Variants in SLC2A12 observed in about 807,000 individuals in gnomAD.
SLC2A12 encodes the protein solute carrier family 2, facilitated glucose transporter member 12.
Under a neutral mutation model 41.8 loss-of-function variants are expected in SLC2A12, and 23 were observed. The observed-to-expected ratio is 0.55, with a 90% CI of 0.40 to 0.78. The LOEUF (loss-of-function observed/expected upper bound fraction) is 0.78. SLC2A12 is among the 30% of genes least tolerant of loss of function. SLC2A12 has a pLI of 0.00. For missense variants in SLC2A12, 654 were observed against 745.6 expected (o/e 0.88, Z 1.43); for synonymous variants, 295 against 285.9 (o/e 1.03, Z -0.32).
intron 2 of SLC2A12, among the ~76,000 whole-genome samples, chr6:134,012,350 A>AT (rs1244616417): frequency 6.6e-6 from 1 of 152,234 alleles, no homozygotes; most frequent in East Asian, 1.9e-4. Context: ...ATTGGACTAA[A>AT]TGGAATAAGC....
chr6:134,051,225 CTCATTCTTGACG>C (rs944776612), intron 1 of SLC2A12, among the ~76,000 whole-genome samples: 1 of 152,160 alleles, frequency 6.6e-6, no homozygotes, highest in Non-Finnish European at 1.5e-5. Context: ...CACGCCCGGC[CTCATTCTTGACG>C]AGAAGTGTGA....
At chr6:134,022,799 AG>A (rs1388760617) in intron 2 of SLC2A12, among the ~76,000 whole-genome samples, 2 of 152,238 alleles carry the variant, frequency 1.3e-5, no homozygotes, top group African/African-American at 4.8e-5. Flanking sequence ...TGGAGTCAGG[AG>A]GGCAAGAAAG....
chr6:134,026,412 G>A (rs947846910), intron 2 of SLC2A12, among the ~76,000 whole-genome samples: 1 of 151,918 alleles, frequency 6.6e-6, no homozygotes, highest in African/African-American at 2.4e-5. Flanking sequence ...CCTATATCTC[G>A]TCCTTCTGCT....
rs368176248 is a variant in SLC2A12 at position 133,990,907 on chromosome 6, CT to C, written c.*247del. 11,907 of 317,904 alleles carry C rather than the reference CT, an allele frequency of 0.037. 1 individual carries two copies. The highest frequency in any genetic ancestry group is 0.053 in the East Asian group (1,040 of 19,566). 19.7% of individuals were successfully genotyped at this position (317,904 alleles called of 1,614,324 possible). On this transcript the variant is annotated 3_prime_UTR_variant, in exon 5 of 5. Transcript: ENST00000275230. ...TAGAAAGTATTAAACCAGCCAGTAA[CT>C]TTTTTTTTTTAACCTGATATCCTGC... is the stretch of plus-strand genomic sequence containing the variant.
At position 134,026,539 on chromosome 6, in the gene SLC2A12, G is replaced by C. The variant is rs576164840; in HGVS notation, c.1444+1842C>G. 7.2e-5 allele frequency among the ~76,000 whole-genome samples: 11 copies of C among 152,352 alleles called. No individual in the cohort carries two copies. In the East Asian group the frequency reaches 1.9e-3, roughly 27 times the overall value. ...TTAAAGTGTCATAGTAGCCATATGA[G>C]TATCTCATAGGTATACACTCAAGAT... On this transcript the variant is annotated intron_variant, in intron 2 of 4. Transcript: ENST00000275230.
chr6:134,052,579 A>G lies in SLC2A12; in HGVS notation c.-99T>C. ...TTTCCCCATAATAGCATGCTAAAGA[A>G]GAGTGTGGGGAAAAACTTCGGGCAA... On this transcript the variant is annotated 5_prime_UTR_variant, in exon 1 of 5. Transcript: ENST00000275230. 1.1e-6 allele frequency: 1 copy of G among 882,672 alleles called. No homozygotes were observed. Among genetic ancestry groups the G allele is most frequent in the Non-Finnish European group, 1.8e-6 (1 of 559,100 alleles). The allele number at this position is 882,672 out of a possible 1,614,324, so 54.7% of individuals were successfully genotyped here. A position where few individuals can be genotyped will look rare whatever the true frequency, so the allele number is the denominator to read the frequency against.
intron 1 of SLC2A12, among the ~76,000 whole-genome samples, chr6:134,050,047 T>A (rs1215430173): frequency 2.6e-5 from 4 of 152,222 alleles, no homozygotes; most frequent in African/African-American, 9.6e-5. Context: ...GTTGAAAATA[T>A]GAAGAAGCCA....
At chr6:134,007,046 T>C in intron 2 of SLC2A12, 112 bp from the exon 3 acceptor site, 2 of 1,449,684 alleles carry the variant, frequency 1.4e-6, no homozygotes, top group South Asian at 2.6e-5. Flanking sequence ...GATTTGTGGT[T>C]GGGAAGCACC....
chr6:134,016,236 G>T (rs1283382705), intron 2 of SLC2A12, among the ~76,000 whole-genome samples: 4 of 151,616 alleles, frequency 2.6e-5, no homozygotes, highest in Admixed American at 6.6e-5. Context: ...GGGCAAGTTT[G>T]TTGACTGTCC....
rs1777157990 is a variant in SLC2A12, at chr6:134,029,036, G to A, written c.789C>T (p.Tyr263=). 2 of 1,614,084 alleles carry A rather than the reference G, an allele frequency of 1.2e-6. No homozygotes were observed. The highest frequency in any genetic ancestry group is 8.5e-7 in the Non-Finnish European group (1 of 1,180,040). The change falls in exon 2 of 5, where the codon TAC becomes TAT. Residue 263 remains tyrosine, a synonymous_variant. Transcript: ENST00000275230. ...TTGAACGAAACAGATCCCAAAAACT[G>A]TACTGATATTCATCTTTCAGGGAGG... ...IKSSLKDEYQ[Y]SFWDLFRSKD...
At chr6:134,009,185 A>G (rs1044217278) in intron 2 of SLC2A12, 2 of 151,892 alleles carry the variant, frequency 1.3e-5, no homozygotes, top group African/African-American at 4.8e-5. Context: ...GGGCTTGTCT[A>G]GAAAAACTCG....
intron 3 of SLC2A12, among the ~76,000 whole-genome samples, chr6:134,003,011 T>C (rs1462316654): frequency 1.3e-5 from 2 of 152,168 alleles, no homozygotes; most frequent in East Asian, 3.9e-4. Flanking sequence ...GAATGTCTAG[T>C]GTGGCAAGGA....
intron 1 of SLC2A12, among the ~76,000 whole-genome samples, chr6:134,050,759 G>A (rs1331707313): frequency 2.0e-5 from 3 of 151,932 alleles, no homozygotes; most frequent in African/African-American, 7.3e-5. Context: ...CCAGGAATTT[G>A]GAGAAAAGAA....
Position 133,988,537 on chromosome 6 carries a change from C to A in SLC2A12, c.*2618G>T, listed in dbSNP as rs370572200. 7 of 152,142 alleles carry A rather than the reference C, an allele frequency of 4.6e-5. No individual in the cohort carries two copies. Among genetic ancestry groups the A allele is most frequent in the African/African-American group, 1.7e-4 (7 of 41,438 alleles). 9.4% of individuals were successfully genotyped at this position (152,142 alleles called of 1,614,324 possible). Reference sequence around the variant, plus strand: ...TAATCTCCATATATAGTACATTTTCCTTACTGTATTATAAAATCTTGAAAA... The same window carrying A: ...TAATCTCCATATATAGTACATTTTCATTACTGTATTATAAAATCTTGAAAA... On this transcript the variant is annotated 3_prime_UTR_variant, in exon 5 of 5. Coordinates refer to ENST00000275230, the MANE Select transcript of SLC2A12 (RefSeq NM_145176.3).
intron 2 of SLC2A12, among the ~76,000 whole-genome samples, chr6:134,023,492 A>C (rs1286957719): frequency 6.6e-6 from 1 of 152,174 alleles, no homozygotes; most frequent in Non-Finnish European, 1.5e-5. Context: ...ACAGTGAAGC[A>C]TGGAGGGGGA....
chr6:134,044,850 C>T (rs1012643206), intron 1 of SLC2A12, among the ~76,000 whole-genome samples: 1 of 151,868 alleles, frequency 6.6e-6, no homozygotes, highest in Non-Finnish European at 1.5e-5. Flanking sequence ...GTTCAGCAAT[C>T]GCTTCTTTAC....
At chr6:134,007,682 C>T (rs1030631240) in intron 2 of SLC2A12, among the ~76,000 whole-genome samples, 5 of 152,208 alleles carry the variant, frequency 3.3e-5, no homozygotes, top group Non-Finnish European at 7.3e-5. Context: ...ATTAACTTGT[C>T]TTCTGCTCAC....
At chr6:134,026,056 T>C (rs939199572) in intron 2 of SLC2A12, among the ~76,000 whole-genome samples, 8 of 152,320 alleles carry the variant, frequency 5.3e-5, no homozygotes, top group Non-Finnish European at 5.9e-5. Flanking sequence ...TCAATGTCTC[T>C]CATATTGATC....
At chr6:134,023,403 T>C (rs1368157909) in intron 2 of SLC2A12, among the ~76,000 whole-genome samples, 1 of 152,092 alleles carries the variant, frequency 6.6e-6, no homozygotes, top group African/African-American at 2.4e-5. Flanking sequence ...GACTGCCCTC[T>C]AGAAAGGGAA....
Sources: gnomAD v4.1 joint callset for allele counts (sites outside exome capture counted in the v4.1 genomes callset) on GRCh38, gnomAD v4.1.1 for gene constraint, MANE v1.5 for transcripts, NCBI Gene and HGNC (gene_info 2026-07-23, HGNC 2026-07-21) for gene names.